The following DLG2 variants were observed in gnomAD, a reference collection of about 807,000 sequenced individuals.
DLG2 encodes discs large MAGUK scaffold protein 2.
DLG2 carries 45 observed loss-of-function variants against 132.5 expected under a neutral mutation model. The observed-to-expected ratio is 0.34, with a 90% CI of 0.27 to 0.44. The LOEUF (loss-of-function observed/expected upper bound fraction) is 0.44. Ranked by LOEUF, DLG2 falls within the 20% of genes least tolerant of loss-of-function variation. DLG2 has a pLI of 1.00. For missense variants in DLG2, 1,045 were observed against 1,196.9 expected, an observed-to-expected ratio of 0.87 and a Z score of 1.87; for synonymous variants, 424 against 419.6, an observed-to-expected ratio of 1.01 and a Z score of -0.13.
At chr11:85,446,492 T>C (rs2153037313) in intron 3 of DLG2, among the ~76,000 whole-genome samples, 1 of 152,350 alleles carries the variant, frequency 6.6e-6, no homozygotes, top group South Asian at 2.1e-4. Context: ...TGAAAATAAA[T>C]TTGTTAATAA....
At chr11:83,782,732 G>A (rs143818949) in intron 18 of DLG2, among the ~76,000 whole-genome samples, 180 of 152,240 alleles carry the variant, frequency 1.2e-3, no homozygotes, top group Admixed American at 2.7e-3. Flanking sequence ...GTGGTGGAGG[G>A]GTGAGTGGGG....
At chr11:84,648,986 A>AT (rs373627289) in intron 6 of DLG2, among the ~76,000 whole-genome samples, 4 of 152,046 alleles carry the variant, frequency 2.6e-5, no homozygotes, top group Non-Finnish European at 4.4e-5. Flanking sequence ...ATGATTTATT[A>AT]TTTTTTTTCT....
intron 6 of DLG2, among the ~76,000 whole-genome samples, chr11:84,593,789 A>C (rs893988518): frequency 6.6e-6 from 1 of 152,178 alleles, no homozygotes; most frequent in African/African-American, 2.4e-5. Context: ...CAGAACTTAA[A>C]GTATTATAAT....
At chr11:84,828,033 A>G (rs927460399) in intron 6 of DLG2, among the ~76,000 whole-genome samples, 1 of 151,906 alleles carries the variant, frequency 6.6e-6, no homozygotes, top group African/African-American at 2.4e-5. Context: ...GACATTTAAA[A>G]TAAAATAATA....
At chr11:83,870,656 G>T (rs567239224) in intron 16 of DLG2, among the ~76,000 whole-genome samples, 24 of 152,314 alleles carry the variant, frequency 1.6e-4, no homozygotes, top group African/African-American at 5.8e-4. Context: ...AGGTGCTACA[G>T]AAGAGTGATT....
intron 3 of DLG2, among the ~76,000 whole-genome samples, chr11:85,526,217 A>G (rs2074729511): frequency 6.6e-6 from 1 of 152,222 alleles, no homozygotes; most frequent in African/African-American, 2.4e-5. Context: ...TAACTGAAGT[A>G]TCATGAAGAA....
intron 6 of DLG2, among the ~76,000 whole-genome samples, chr11:84,742,122 A>G (rs574414921): frequency 6.6e-6 from 1 of 152,248 alleles, no homozygotes; most frequent in East Asian, 1.9e-4. Flanking sequence ...CAGGCAGACA[A>G]GAAAAAAAAA....
intron 18 of DLG2, among the ~76,000 whole-genome samples, chr11:83,681,496 G>A (rs919109011): frequency 1.3e-5 from 2 of 152,138 alleles, no homozygotes; most frequent in East Asian, 1.9e-4. Context: ...CTGCGGGTAC[G>A]TCGTACAGCT....
At chr11:84,970,167 T>TA (rs1443537815) in intron 6 of DLG2, among the ~76,000 whole-genome samples, 12 of 151,392 alleles carry the variant, frequency 7.9e-5, no homozygotes, top group East Asian at 7.8e-4. Context: ...ACAGTATAAT[T>TA]TAAAAAAAAG....
intron 3 of DLG2, among the ~76,000 whole-genome samples, chr11:85,550,446 C>T (rs906331798): frequency 6.6e-6 from 1 of 152,244 alleles, no homozygotes; most frequent in Non-Finnish European, 1.5e-5. Context: ...CACTCACCTG[C>T]GTGCTCCCTC....
intron 8 of DLG2, among the ~76,000 whole-genome samples, chr11:84,237,668 T>C (rs2097175087): frequency 6.6e-6 from 1 of 152,150 alleles, no homozygotes; most frequent in Admixed American, 6.5e-5. Flanking sequence ...GCTCTTCGTG[T>C]ATTTAAACAA....
chr11:84,796,409 T>A (rs569509422), intron 6 of DLG2, among the ~76,000 whole-genome samples: 1 of 152,338 alleles, frequency 6.6e-6, no homozygotes, highest in African/African-American at 2.4e-5. Context: ...TCTTTCTACT[T>A]AAGATATTAG....
intron 18 of DLG2, among the ~76,000 whole-genome samples, chr11:83,716,674 T>C (rs1036520708): frequency 1.3e-5 from 2 of 152,246 alleles, no homozygotes; most frequent in African/African-American, 2.4e-5. Context: ...AGGGATGATT[T>C]CCTTTTGATC....
At chr11:84,987,639 G>C (rs548662453) in intron 6 of DLG2, among the ~76,000 whole-genome samples, 8 of 152,212 alleles carry the variant, frequency 5.3e-5, no homozygotes, top group Admixed American at 5.2e-4. Context: ...ACTGATCTTT[G>C]ACAAAGCAAA....
intron 6 of DLG2, among the ~76,000 whole-genome samples, chr11:84,920,504 A>G (rs905731436): frequency 2.6e-5 from 4 of 152,194 alleles, no homozygotes; most frequent in South Asian, 2.1e-4. Flanking sequence ...ATAGATGTCC[A>G]TTATGGGTCA....
At chr11:84,502,181 T>C (rs1399299601) in intron 7 of DLG2, among the ~76,000 whole-genome samples, 3 of 28,420 alleles carry the variant, frequency 1.1e-4, no homozygotes, top group Non-Finnish European at 2.5e-4. Context: ...TCTCTTTCTC[T>C]CTCTTTCTCT....
At chr11:85,157,321 C>A (rs577385291) in intron 4 of DLG2, among the ~76,000 whole-genome samples, 1 of 152,118 alleles carries the variant, frequency 6.6e-6, no homozygotes, top group African/African-American at 2.4e-5. Flanking sequence ...GGATGAAGTC[C>A]TTTCATTGGT....
chr11:84,058,971 C>T (rs931683240), intron 11 of DLG2, among the ~76,000 whole-genome samples: 1 of 151,634 alleles, frequency 6.6e-6, no homozygotes, highest in Non-Finnish European at 1.5e-5. Context: ...TACTATTTTG[C>T]CAAATGAGAG....
chr11:85,316,222 CT>C (rs1162625309), intron 3 of DLG2, among the ~76,000 whole-genome samples: 1 of 151,820 alleles, frequency 6.6e-6, no homozygotes, highest in East Asian at 1.9e-4. Flanking sequence ...TTAGCTGAAA[CT>C]TTGTTCTAAA....
Sources: gnomAD v4.1 joint callset for allele counts (sites outside exome capture counted in the v4.1 genomes callset) on GRCh38, gnomAD v4.1.1 for gene constraint, MANE v1.5 for transcripts, NCBI Gene and HGNC (gene_info 2026-07-23, HGNC 2026-07-21) for gene names.